Variants in CSMD3 observed in about 807,000 individuals in gnomAD.
CSMD3 encodes CUB and sushi domain-containing protein 3.
A neutral mutation model predicts 435.2 loss-of-function variants in CSMD3; 177 were observed. The ratio of observed to expected loss-of-function variants is 0.41; its 90% CI spans 0.36 to 0.46. CSMD3 has a LOEUF of 0.46. CSMD3 is among the 20% of genes least tolerant of loss of function. The pLI is 0.34. For missense variants in CSMD3, 4,265 were observed against 4,504.6 expected, an observed-to-expected ratio of 0.95 and a Z score of 1.52; for synonymous variants, 1,656 against 1,520.5, an observed-to-expected ratio of 1.09 and a Z score of -2.07.
At chr8:112,850,683 A>G (rs565746509) in intron 11 of CSMD3, among the ~76,000 whole-genome samples, 2 of 152,160 alleles carry the variant, frequency 1.3e-5, no homozygotes, top group Non-Finnish European at 2.9e-5. Flanking sequence ...ATCGCTACAG[A>G]CTCAATACAC....
At chr8:113,342,661 G>C (rs992581801) in intron 1 of CSMD3, among the ~76,000 whole-genome samples, 1 of 152,074 alleles carries the variant, frequency 6.6e-6, no homozygotes, top group Non-Finnish European at 1.5e-5. Flanking sequence ...AAGATTCTCA[G>C]GCATATTAAG....
intron 12 of CSMD3, among the ~76,000 whole-genome samples, chr8:112,812,051 G>A (rs1162282528): frequency 6.6e-6 from 1 of 152,076 alleles, no homozygotes. Context: ...GCAGGAAAGG[G>A]CCTCCCCACA....
At chr8:112,954,858 A>T in intron 7 of CSMD3, 97 bp from the exon 8 acceptor site, 2 of 757,044 alleles carry the variant, frequency 2.6e-6, no homozygotes, top group South Asian at 3.0e-5. Context: ...TATGCAAGAT[A>T]AAGAAACCAC....
chr8:112,329,325 A>C (rs1461480573), intron 45 of CSMD3, among the ~76,000 whole-genome samples: 2 of 152,126 alleles, frequency 1.3e-5, no homozygotes, highest in East Asian at 3.9e-4. Flanking sequence ...TAATCAGAAA[A>C]CAAGAACACT....
intron 16 of CSMD3, among the ~76,000 whole-genome samples, chr8:112,669,400 TA>T (rs888187164): frequency 1.3e-5 from 2 of 151,640 alleles, no homozygotes; most frequent in African/African-American, 4.8e-5. Flanking sequence ...AAAATACAAC[TA>T]AAAAAAACAA....
At chr8:112,503,637 A>G (rs1214633504) in intron 30 of CSMD3, among the ~76,000 whole-genome samples, 153 bp downstream of exon 30, 1 of 152,206 alleles carries the variant, frequency 6.6e-6, no homozygotes, top group Non-Finnish European at 1.5e-5. Flanking sequence ...AAAATTCTAC[A>G]GTGAGAACGC....
intron 4 of CSMD3, among the ~76,000 whole-genome samples, chr8:113,169,297 G>A (rs1352220608): frequency 6.6e-6 from 1 of 152,036 alleles, no homozygotes; most frequent in Non-Finnish European, 1.5e-5. Context: ...TTGCTTAGAT[G>A]TACTGTAAAT....
chr8:113,056,023 G>C (rs72683879), intron 5 of CSMD3, among the ~76,000 whole-genome samples: 15,388 of 152,172 alleles, frequency 0.1, 1,134 homozygotes, highest in African/African-American at 0.2. Flanking sequence ...GATCCTGAAA[G>C]AGGATAAGGT....
chr8:113,328,066 AAC>A (rs1039337521), intron 1 of CSMD3, among the ~76,000 whole-genome samples: 1 of 151,422 alleles, frequency 6.6e-6, no homozygotes, highest in South Asian at 2.1e-4. Flanking sequence ...GTTGTGCCCA[AAC>A]ACACACACAG....
chr8:112,487,975 T>G (rs539434327), intron 31 of CSMD3, among the ~76,000 whole-genome samples: 1 of 152,194 alleles, frequency 6.6e-6, no homozygotes, highest in Admixed American at 6.5e-5. Context: ...AATTATTTTC[T>G]AAACAAATTT....
intron 10 of CSMD3, among the ~76,000 whole-genome samples, chr8:112,910,869 AC>A (rs2082392776): frequency 6.6e-6 from 1 of 151,904 alleles, no homozygotes; most frequent in Non-Finnish European, 1.5e-5. Context: ...TACCCAGGTC[AC>A]TGGTGGCCTC....
intron 59 of CSMD3, among the ~76,000 whole-genome samples, chr8:112,274,207 A>T (rs950041858): frequency 6.6e-6 from 1 of 151,450 alleles, no homozygotes; most frequent in Non-Finnish European, 1.5e-5. Flanking sequence ...ACCAAAAGAA[A>T]AAAAAAAAGG....
intron 3 of CSMD3, among the ~76,000 whole-genome samples, chr8:113,206,756 C>A (rs117747966): frequency 6.6e-6 from 1 of 152,030 alleles, no homozygotes; most frequent in African/African-American, 2.4e-5. Context: ...TTAATGATTG[C>A]CTTATATACA....
At chr8:113,078,405 T>G (rs1010044510) in intron 5 of CSMD3, among the ~76,000 whole-genome samples, 3 of 152,186 alleles carry the variant, frequency 2.0e-5, no homozygotes, top group Non-Finnish European at 4.4e-5. Context: ...CCACTTCCAT[T>G]GGGAAAATAA....
chr8:113,064,468 G>T (rs1564272057), intron 5 of CSMD3, among the ~76,000 whole-genome samples: 1 of 152,036 alleles, frequency 6.6e-6, no homozygotes, highest in African/African-American at 2.4e-5. Context: ...AAAACTTGGG[G>T]TTTTTTAAAA....
chr8:112,283,234 A>C (rs1299942747), intron 58 of CSMD3, among the ~76,000 whole-genome samples: 1 of 152,018 alleles, frequency 6.6e-6, no homozygotes, highest in Non-Finnish European at 1.5e-5. Flanking sequence ...AATAAGCTGA[A>C]ACATAATACA....
intron 22 of CSMD3, among the ~76,000 whole-genome samples, chr8:112,594,169 T>C (rs5015897): frequency 0.59 from 89,564 of 150,560 alleles, 27,551 homozygotes; most frequent in African/African-American, 0.76. Flanking sequence ...ACGCACCGTG[T>C]GCGAGCCGAA....
intron 1 of CSMD3, among the ~76,000 whole-genome samples, chr8:113,328,917 T>G (rs924522270): frequency 6.6e-6 from 1 of 151,238 alleles, no homozygotes; most frequent in Non-Finnish European, 1.5e-5. Context: ...ATTTTTGTAT[T>G]TTTTTGTAGG....
intron 22 of CSMD3, among the ~76,000 whole-genome samples, chr8:112,620,505 A>C (rs532874357): frequency 6.6e-6 from 1 of 152,222 alleles, no homozygotes; most frequent in Admixed American, 6.5e-5. Context: ...TTGGTGAGAG[A>C]GCAGTCATGT....
Sources: allele counts gnomAD v4.1 joint callset (sites outside exome capture counted in the v4.1 genomes callset), GRCh38; gene constraint gnomAD v4.1.1; transcripts MANE v1.5; gene names NCBI Gene and HGNC (gene_info 2026-07-23, HGNC 2026-07-21).